LDB3: variants seen among roughly 807,000 people sequenced by gnomAD.
LDB3 encodes LIM domain binding 3, also known as LIM domain-binding protein 3.
A neutral mutation model predicts 69.0 loss-of-function variants in LDB3; 49 were observed. The observed-to-expected ratio is 0.71, with a 90% confidence interval of 0.56 to 0.90. The LOEUF (loss-of-function observed/expected upper bound fraction) is 0.90. Among genes scored for constraint, LDB3 ranks in the 40% least tolerant of loss-of-function variants. LDB3 has a pLI of 0.00. For synonymous variants in LDB3, 387 were observed against 396.2 expected, an observed-to-expected ratio of 0.98 and a Z score of 0.28; for missense variants, 928 against 974.1, an observed-to-expected ratio of 0.95 and a Z score of 0.63.
intron 9 of LDB3, among the ~76,000 whole-genome samples, chr10:86,714,553 CTTT>C (rs11306108): frequency 1.2e-4 from 15 of 124,140 alleles, no homozygotes; most frequent in Admixed American, 8.4e-5. Context: ...AAGGTATTAT[CTTT>C]TTTTTTTTTT....
intron 7 of LDB3, among the ~76,000 whole-genome samples, chr10:86,704,400 T>C (rs1025553900): frequency 6.6e-6 from 1 of 151,888 alleles, no homozygotes; most frequent in African/African-American, 2.4e-5. Flanking sequence ...AATGATAAAA[T>C]TGAGTAATAG....
At chr10:86,695,750 C>T (rs1222434630) in intron 7 of LDB3, among the ~76,000 whole-genome samples, 4 of 152,202 alleles carry the variant, frequency 2.6e-5, no homozygotes, top group Non-Finnish European at 5.9e-5. Context: ...CATTCCAGGG[C>T]CCTGATCACT....
At chr10:86,732,828 T>C (rs553601364) in intron 13 of LDB3, 59 bp from the exon 14 acceptor site, 1 of 1,398,884 alleles carries the variant, frequency 7.1e-7, no homozygotes, top group Non-Finnish European at 1.0e-6. Context: ...AAAAAGTGAT[T>C]GAAATCTGCT....
chr10:86,700,171 C>T, intron 7 of LDB3: 1 of 609,786 alleles, frequency 1.6e-6, no homozygotes, highest in African/African-American at 2.0e-5. Flanking sequence ...GTCCACCGGC[C>T]CCAGGACACA....
intron 7 of LDB3, 61 bp from the exon 8 acceptor site, chr10:86,706,470 G>A: frequency 1.9e-6 from 3 of 1,579,230 alleles, no homozygotes; most frequent in Admixed American, 1.7e-5. Context: ...CCCATGCAGA[G>A]GGGCCTCACA....
At chr10:86,717,732 C>T (rs1347700039) in intron 10 of LDB3, among the ~76,000 whole-genome samples, 1 of 152,190 alleles carries the variant, frequency 6.6e-6, no homozygotes, top group African/African-American at 2.4e-5. Context: ...TATGTTTACC[C>T]AGTCCCCTAT....
intron 2 of LDB3, among the ~76,000 whole-genome samples, chr10:86,676,952 G>T (rs888195785): frequency 6.6e-6 from 1 of 152,256 alleles, no homozygotes; most frequent in Non-Finnish European, 1.5e-5. Context: ...CTCCTTCTAG[G>T]ATGGTTCTCG....
At chr10:86,709,084 T>C (rs1404292211) in intron 8 of LDB3, among the ~76,000 whole-genome samples, 1 of 152,198 alleles carries the variant, frequency 6.6e-6, no homozygotes, top group Non-Finnish European at 1.5e-5. Context: ...AAGGTGTTCA[T>C]TAGTTTTAAA....
At position 86,728,587 on chromosome 10, in the gene LDB3, T is replaced by TTTTTTTTTTTTG. The variant is rs1554868923; in HGVS notation, c.2094+2346_2094+2347insGTTTTTTTTTTT. 2.7e-3 allele frequency among the ~76,000 whole-genome samples: 207 copies of TTTTTTTTTTTTG among 76,166 alleles called. 1 individual carries two copies. Among genetic ancestry groups the TTTTTTTTTTTTG allele is most frequent in the Admixed American group, 0.013 (104 of 8,082 alleles). The allele number at this position is 76,166 out of a possible 152,430, so 50.0% of individuals were successfully genotyped here. A position where few individuals can be genotyped will look rare whatever the true frequency, so the allele number is the denominator to read the frequency against. ...AGCAAAGTGGAACATGGTTCTTTTG[T>TTTTTTTTTTTTG]TTTTTTTTTTTTTTGAGACAAAGTC... On this transcript the variant is annotated intron_variant, in intron 13 of 13. Coordinates refer to ENST00000361373, the MANE Select transcript of LDB3 (RefSeq NM_007078.3).
Position 86,680,130 on chromosome 10 carries a change from C to T in LDB3, c.294C>T (p.Thr98=). The T allele has an allele frequency of 6.2e-7, 1 of 1,614,190 alleles. No homozygotes were observed. The highest frequency in any genetic ancestry group is 1.1e-5 in the South Asian group (1 of 91,090). Residue 98 remains threonine (T), a synonymous_variant, in exon 4 of 14, where the codon ACC becomes ACT. Coordinates refer to ENST00000361373, the MANE Select transcript of LDB3 (RefSeq NM_007078.3). ...PISTTAPPVQ[T]PLPVIPHQKD... ...CCACGACAGCACCTCCAGTCCAGACCCCTCTGCCGGTGATCCCTCACCAGA... is the reference window on the plus strand; with the variant it reads ...CCACGACAGCACCTCCAGTCCAGACTCCTCTGCCGGTGATCCCTCACCAGA...
At position 86,685,704 on chromosome 10, in the gene LDB3, A is replaced by G. The variant is rs769004016; in HGVS notation, c.689+3901A>G. The G allele has an allele frequency of 1.2e-6, 2 of 1,614,152 alleles. No homozygotes were observed. Among genetic ancestry groups the G allele is most frequent in the Non-Finnish European group, 1.7e-6 (2 of 1,180,006 alleles). On this transcript the variant is annotated intron_variant, in intron 5 of 13. Coordinates refer to ENST00000361373, the MANE Select transcript of LDB3 (RefSeq NM_007078.3). ...TGGTAGTCAACTCTCCAGCCAAGTT[A>G]GTATCAAAGGACAGCATGTGTGTGC...
intron 5 of LDB3, among the ~76,000 whole-genome samples, chr10:86,691,112 C>T (rs968101114): frequency 6.6e-6 from 1 of 152,168 alleles, no homozygotes; most frequent in Admixed American, 6.5e-5. Context: ...AGGCACTGGA[C>T]CCGAGGGGCT....
At position 86,716,499 on chromosome 10, in the gene LDB3, C is replaced by CTA. The variant is rs1846880706; in HGVS notation, c.1407_1408dup (p.Asn470IlefsTer23). On this transcript the variant is annotated frameshift_variant, in exon 10 of 14. Transcript: ENST00000361373. LOFTEE classifies it high-confidence loss of function. ...CCTATACCCCCTCACCTGCCCCCAACTATAACCCTGCACCCTCGGTGGCCT... is the reference window on the plus strand; with the variant it reads ...CCTATACCCCCTCACCTGCCCCCAACTATATAACCCTGCACCCTCGGTGGCCT... 8 of 1,612,326 alleles carry CTA rather than the reference C, an allele frequency of 5.0e-6. No homozygotes were observed. The highest frequency in any genetic ancestry group is 6.8e-6 in the Non-Finnish European group (8 of 1,179,606).
chr10:86,685,697 C>T (rs747440950), intron 5 of LDB3: 1 of 1,614,160 alleles, frequency 6.2e-7, no homozygotes, highest in Non-Finnish European at 8.5e-7. Context: ...AACTCTCCAG[C>T]CAAGTTAGTA....
intron 3 of LDB3, 88 bp downstream of exon 3, chr10:86,679,606 G>C: frequency 5.5e-6 from 8 of 1,446,410 alleles, no homozygotes; most frequent in Non-Finnish European, 7.7e-6. Flanking sequence ...CATAGCAATT[G>C]AGTGGGCCCC....
intron 2 of LDB3, among the ~76,000 whole-genome samples, chr10:86,669,996 G>T (rs1361414906): frequency 1.3e-5 from 2 of 151,764 alleles, no homozygotes; most frequent in South Asian, 2.1e-4. Context: ...TGGGCAGCGG[G>T]TCAGGAGCCA....
intron 13 of LDB3, among the ~76,000 whole-genome samples, chr10:86,726,847 C>T (rs1007125843): frequency 1.3e-5 from 2 of 151,992 alleles, no homozygotes; most frequent in Non-Finnish European, 2.9e-5. Flanking sequence ...GCTGAACAGC[C>T]GGGTCACTTT....
chr10:86,675,695 G>A (rs779879320), intron 2 of LDB3, among the ~76,000 whole-genome samples: 7 of 152,238 alleles, frequency 4.6e-5, no homozygotes, highest in African/African-American at 1.4e-4. Flanking sequence ...TGAAATGCCC[G>A]GCAAATGAGA....
upstream of LDB3, among the ~76,000 whole-genome samples, chr10:86,667,644 G>A (rs992309983): frequency 9.8e-5 from 15 of 152,352 alleles, no homozygotes; most frequent in East Asian, 7.7e-4. Flanking sequence ...GGGGCCTGGC[G>A]TGTGGCACTG....
Sources: gnomAD v4.1 joint callset for allele counts (sites outside exome capture counted in the v4.1 genomes callset) on GRCh38, gnomAD v4.1.1 for gene constraint, MANE v1.5 for transcripts, NCBI Gene and HGNC (gene_info 2026-07-23, HGNC 2026-07-21) for gene names.